Variants in SLC24A4 observed in about 807,000 individuals in gnomAD.
The protein encoded by SLC24A4 is solute carrier family 24 member 4.
SLC24A4 carries 53 observed loss-of-function variants against 79.0 expected under a neutral mutation model. The ratio of observed to expected loss-of-function variants is 0.67; its 90% CI spans 0.54 to 0.84. The LOEUF (loss-of-function observed/expected upper bound fraction) is 0.84. Ranked by LOEUF, SLC24A4 falls within the 40% of genes least tolerant of loss-of-function variation. SLC24A4 has a pLI of 0.00. For missense variants in SLC24A4, 731 were observed against 822.0 expected (o/e 0.89, Z 1.35); for synonymous variants, 323 against 323.8 (o/e 1.00, Z 0.03).
At chr14:92,331,929 C>T (rs1176659722) in intron 2 of SLC24A4, among the ~76,000 whole-genome samples, 1 of 152,136 alleles carries the variant, frequency 6.6e-6, no homozygotes, top group African/African-American at 2.4e-5. Flanking sequence ...TTTCCTCTAG[C>T]TTACTCTATG....
At chr14:92,326,562 C>T (rs769395768) in intron 2 of SLC24A4, among the ~76,000 whole-genome samples, 2 of 152,166 alleles carry the variant, frequency 1.3e-5, no homozygotes, top group Non-Finnish European at 2.9e-5. Context: ...AGTAGAGACC[C>T]AGAGGTGACA....
chr14:92,365,650 C>A (rs941641), intron 2 of SLC24A4, among the ~76,000 whole-genome samples: 149,527 of 152,320 alleles, frequency 0.98, 73,441 homozygotes, highest in Middle Eastern at 1. Context: ...CCAGGGCCTG[C>A]GAGTCACTTG....
At position 92,441,033 on chromosome 14, in the gene SLC24A4, G is replaced by A. The variant is rs745451604; in HGVS notation, c.394-1056G>A. Among the ~76,000 whole-genome samples, 47 of 152,140 alleles carry A rather than the reference G, an allele frequency of 3.1e-4. No individual in the cohort carries two copies. Among genetic ancestry groups the A allele is most frequent in the Middle Eastern group, 6.8e-3 (2 of 294 alleles). ...GCTTTTTGGCAGGGTTAAGGTGGCC[G>A]GCTTCTGCCCTGGAGATCGATGCTG... On this transcript the variant is annotated intron_variant, in intron 4 of 16. Coordinates refer to ENST00000532405, the MANE Select transcript of SLC24A4 (RefSeq NM_153646.4). The surrounding 1 kb of genome is among the most constrained non-coding windows in gnomAD (Gnocchi z 4.6).
chr14:92,328,937 C>T (rs1213874603), intron 2 of SLC24A4, among the ~76,000 whole-genome samples: 1 of 152,228 alleles, frequency 6.6e-6, no homozygotes, highest in Admixed American at 6.5e-5. Context: ...CACCTCTTCA[C>T]CCTGGGCTCC....
Position 92,493,598 on chromosome 14 carries a change from C to T in SLC24A4, c.1839C>T (p.Val613=). The T allele has an allele frequency of 6.2e-7, 1 of 1,614,216 alleles. No homozygotes were observed. The highest frequency in any genetic ancestry group is 1.1e-5 in the South Asian group (1 of 91,072). ...TAGAGTTTAACGTCTTTACCTTCGT[C>T]AACTTGCCGATGTGCCGGGAAGACG... ...IMIEFNVFTF[V]NLPMCREDD The change falls in exon 17 of 17, where the codon GTC becomes GTT. Residue 613 remains valine (V), a synonymous_variant. Coordinates refer to ENST00000532405, the MANE Select transcript of SLC24A4 (RefSeq NM_153646.4).
At chr14:92,478,973 T>A (rs960610937) in intron 12 of SLC24A4, among the ~76,000 whole-genome samples, 3 of 152,028 alleles carry the variant, frequency 2.0e-5, no homozygotes, top group Non-Finnish European at 4.4e-5. Flanking sequence ...TACATGGAAT[T>A]GTTTTCTTAA....
chr14:92,453,719 G>C, intron 10 of SLC24A4, 181 bp from the exon 11 acceptor site: 1 of 563,826 alleles, frequency 1.8e-6, no homozygotes, highest in Non-Finnish European at 3.0e-6. Context: ...GTGTTTCAAA[G>C]CTAGTGACCC....
intron 2 of SLC24A4, among the ~76,000 whole-genome samples, chr14:92,426,507 A>G (rs527736022): frequency 2.0e-5 from 3 of 152,324 alleles, no homozygotes; most frequent in African/African-American, 7.2e-5. Context: ...TGCTCCTGGA[A>G]AGAACATTCC....
intron 12 of SLC24A4, among the ~76,000 whole-genome samples, chr14:92,481,431 T>G (rs925871249): frequency 6.6e-6 from 1 of 152,242 alleles, no homozygotes; most frequent in Non-Finnish European, 1.5e-5. Flanking sequence ...TCACACTGGG[T>G]AAGCTCAGAT....
chr14:92,491,286 T>C (rs192471848), intron 14 of SLC24A4, among the ~76,000 whole-genome samples: 324 of 152,326 alleles, frequency 2.1e-3, no homozygotes, highest in Non-Finnish European at 3.8e-3. Context: ...TGAATTGATA[T>C]TATTGGTTAC....
Position 92,468,377 on chromosome 14 carries a change from C to T in SLC24A4, c.1255+11769C>T, listed in dbSNP as rs976816316. On this transcript the variant is annotated intron_variant, in intron 12 of 16. Coordinates refer to ENST00000532405, the MANE Select transcript of SLC24A4 (RefSeq NM_153646.4). ...TTTAATGCAATCCTTATCAAAACCC[C>T]AGCTGACTTTTTTGCAGAAACCGAC... is the stretch of plus-strand genomic sequence containing the variant. 6.6e-5 allele frequency among the ~76,000 whole-genome samples: 10 copies of T among 152,124 alleles called. No individual in the cohort carries two copies. In the East Asian group the frequency reaches 1.7e-3, roughly 26 times the overall value.
chr14:92,459,726 C>T (rs1052353227), intron 12 of SLC24A4, among the ~76,000 whole-genome samples: 3 of 152,124 alleles, frequency 2.0e-5, no homozygotes, highest in Admixed American at 1.3e-4. Context: ...GCGGTGGGAA[C>T]GGAGTTGTAC....
Position 92,467,704 on chromosome 14 carries a change from T to C in SLC24A4, c.1255+11096T>C, listed in dbSNP as rs572423841. 3.3e-5 allele frequency among the ~76,000 whole-genome samples: 5 copies of C among 152,158 alleles called. No homozygotes were observed. The South Asian group carries it at 1.0e-3, about 32-fold the overall frequency. ...ATGTGCTGGGAGGAAAAGTAGGAGGTAAAGGCCTGCCTAGGACCATGTATC... is the reference window on the plus strand; with the variant it reads ...ATGTGCTGGGAGGAAAAGTAGGAGGCAAAGGCCTGCCTAGGACCATGTATC... On this transcript the variant is annotated intron_variant, in intron 12 of 16. Coordinates refer to ENST00000532405, the MANE Select transcript of SLC24A4 (RefSeq NM_153646.4).
intron 12 of SLC24A4, among the ~76,000 whole-genome samples, chr14:92,459,446 TG>T (rs757268142): frequency 5.3e-5 from 8 of 152,076 alleles, no homozygotes; most frequent in Non-Finnish European, 4.4e-5. Flanking sequence ...TGCCCTTGCT[TG>T]GGGGCAGGAC....
chr14:92,345,514 A>T (rs988932944), intron 2 of SLC24A4, among the ~76,000 whole-genome samples: 2 of 152,208 alleles, frequency 1.3e-5, no homozygotes, highest in Non-Finnish European at 2.9e-5. Flanking sequence ...CAGCCTGGTC[A>T]ATATGGTGAA....
In SLC24A4 at chr14:92,499,067, A is replaced by T. The variant is rs984704452; in HGVS notation, c.*5439A>T. The stretch of plus-strand genomic sequence containing the variant: ...TTTGGTTATTTTATGGGGGTTTTAA[A>T]CCTCCTAACTTTTCAATGACAAATG... On this transcript the variant is annotated 3_prime_UTR_variant, in exon 17 of 17. Transcript: ENST00000532405. 1 of 151,960 alleles carries T rather than the reference A, an allele frequency of 6.6e-6. No homozygotes were observed. Among genetic ancestry groups the T allele is most frequent in the Non-Finnish European group, 1.5e-5 (1 of 68,002 alleles). 9.4% of individuals were successfully genotyped at this position (151,960 alleles called of 1,614,324 possible). A position where few individuals can be genotyped will look rare whatever the true frequency, so the allele number is the denominator to read the frequency against.
chr14:92,387,676 A>G (rs1376174246), intron 2 of SLC24A4, among the ~76,000 whole-genome samples: 5 of 152,174 alleles, frequency 3.3e-5, no homozygotes, highest in African/African-American at 9.7e-5. Flanking sequence ...TCACCATCCC[A>G]AGCTGAACCT....
At chr14:92,430,583 C>T (rs1048116345) in intron 2 of SLC24A4, among the ~76,000 whole-genome samples, 1 of 152,162 alleles carries the variant, frequency 6.6e-6, no homozygotes, top group Non-Finnish European at 1.5e-5. Flanking sequence ...GATGGGTGCA[C>T]GGGAGGGAGG....
intron 6 of SLC24A4, among the ~76,000 whole-genome samples, 161 bp downstream of exon 6, chr14:92,442,977 C>T (rs903385976): frequency 6.6e-6 from 1 of 152,174 alleles, no homozygotes; most frequent in Non-Finnish European, 1.5e-5. Flanking sequence ...CAACAGGGAG[C>T]ATGAAGCTGG....
Sources: allele counts gnomAD v4.1 joint callset (sites outside exome capture counted in the v4.1 genomes callset), GRCh38; gene constraint gnomAD v4.1.1; non-coding constraint Gnocchi (gnomAD v3.1); transcripts MANE v1.5; gene names NCBI Gene and HGNC (gene_info 2026-07-23, HGNC 2026-07-21).